Variants in PLPPR1 observed in about 807,000 individuals in gnomAD.
The protein encoded by PLPPR1 is phospholipid phosphatase-related protein type 1.
A neutral mutation model predicts 33.1 loss-of-function variants in PLPPR1; 10 were observed. The ratio of observed to expected loss-of-function variants is 0.30; its 90% CI spans 0.19 to 0.51. PLPPR1 has a LOEUF of 0.51. Among genes scored for constraint, PLPPR1 ranks in the 20% least tolerant of loss-of-function variants. The pLI, the probability that PLPPR1 is intolerant of heterozygous loss-of-function variation, is 0.97. For synonymous variants in PLPPR1, 151 were observed against 151.0 expected, an observed-to-expected ratio of 1.00 and a Z score of 0.00; for missense variants, 304 against 408.1, an observed-to-expected ratio of 0.74 and a Z score of 2.20.
chr9:101,152,315 T>A (rs1043831922), intron 1 of PLPPR1, among the ~76,000 whole-genome samples: 1 of 152,230 alleles, frequency 6.6e-6, no homozygotes, highest in Non-Finnish European at 1.5e-5. Context: ...GTCAGATGAG[T>A]AGATTGCAGA....
intron 2 of PLPPR1, among the ~76,000 whole-genome samples, chr9:101,228,470 A>C (rs1276960972): frequency 2.0e-5 from 3 of 152,204 alleles, no homozygotes; most frequent in African/African-American, 7.2e-5. Flanking sequence ...GTTGGTCAGA[A>C]TATATCACAC....
At chr9:101,199,160 C>T (rs1018879598) in intron 2 of PLPPR1, among the ~76,000 whole-genome samples, 1 of 152,158 alleles carries the variant, frequency 6.6e-6, no homozygotes, top group South Asian at 2.1e-4. Flanking sequence ...TCACTGCCCA[C>T]TTTCCGTAAT....
rs528915402 is a variant in PLPPR1 at position 101,243,189 on chromosome 9, T to C, written c.64-26691T>C. The stretch of plus-strand genomic sequence containing the variant: ...TGCAGGCGACAGCTATGAGATGAGG[T>C]TGGAAAGGTAGAGAGGACCCAGGTC... On this transcript the variant is annotated intron_variant, in intron 2 of 7. Coordinates refer to ENST00000374874, the MANE Select transcript of PLPPR1 (RefSeq NM_207299.2). Among the ~76,000 whole-genome samples the C allele has an allele frequency of 5.3e-5, 8 of 151,910 alleles. No individual in the cohort carries two copies. The East Asian group carries it at 1.4e-3, about 26-fold the overall frequency.
intron 1 of PLPPR1, among the ~76,000 whole-genome samples, chr9:101,137,995 C>A (rs750831093): frequency 1.3e-5 from 2 of 152,202 alleles, no homozygotes; most frequent in Non-Finnish European, 2.9e-5. Context: ...ACCAGGCTAC[C>A]TACACAGCAC....
chr9:101,060,159 G>A (rs1435355025), intron 1 of PLPPR1, among the ~76,000 whole-genome samples: 1 of 152,014 alleles, frequency 6.6e-6, no homozygotes, highest in Non-Finnish European at 1.5e-5. Context: ...AGGAAATCCT[G>A]TCATTCGCAA....
chr9:101,219,545 G>A (rs777781295), intron 2 of PLPPR1, among the ~76,000 whole-genome samples: 9 of 152,148 alleles, frequency 5.9e-5, no homozygotes, highest in Non-Finnish European at 1.3e-4. Context: ...TGTGTATAAT[G>A]TTTGAGTATA....
intron 2 of PLPPR1, among the ~76,000 whole-genome samples, chr9:101,243,214 C>T (rs1037253590): frequency 1.3e-5 from 2 of 151,852 alleles, no homozygotes; most frequent in Middle Eastern, 3.2e-3. Context: ...GGACCCAGGT[C>T]GTCAGAATCT....
intron 1 of PLPPR1, among the ~76,000 whole-genome samples, chr9:101,053,126 C>A (rs925424090): frequency 2.6e-5 from 4 of 152,196 alleles, no homozygotes; most frequent in African/African-American, 9.6e-5. Context: ...GGATGCCACA[C>A]AGTACCTAAA....
chr9:101,238,185 C>CCCTATATATATACCCTATATATATA (rs1244512575), intron 2 of PLPPR1, among the ~76,000 whole-genome samples: 14 of 133,386 alleles, frequency 1.0e-4, no homozygotes, highest in African/African-American at 3.3e-4. Context: ...TATATATATG[C>CCCTATATATATACCCTATATATATA]CCTATATATA....
At chr9:101,098,119 C>T (rs1034628473) in intron 1 of PLPPR1, among the ~76,000 whole-genome samples, 3 of 152,066 alleles carry the variant, frequency 2.0e-5, no homozygotes, top group South Asian at 2.1e-4. Flanking sequence ...AGAAATATCA[C>T]TCTGGAGGCC....
intron 1 of PLPPR1, among the ~76,000 whole-genome samples, chr9:101,133,094 T>A (rs1831333225): frequency 6.6e-6 from 1 of 152,124 alleles, no homozygotes; most frequent in Non-Finnish European, 1.5e-5. Flanking sequence ...TGAGTAACAG[T>A]CTTAGGAATA....
intron 1 of PLPPR1, among the ~76,000 whole-genome samples, chr9:101,121,578 T>G (rs543820292): frequency 5.3e-5 from 8 of 152,326 alleles, no homozygotes; most frequent in African/African-American, 1.9e-4. Context: ...GAGTATTTTT[T>G]TTGTCAATGA....
chr9:101,162,565 C>T (rs551929832), intron 1 of PLPPR1, among the ~76,000 whole-genome samples: 86 of 152,238 alleles, frequency 5.6e-4, no homozygotes, highest in Non-Finnish European at 9.4e-4. Flanking sequence ...ATCTCTTCCT[C>T]CTTTTTAGAG....
At position 101,309,228 on chromosome 9, in the gene PLPPR1, C is replaced by A. The variant is rs375650714; in HGVS notation, c.403C>A (p.Leu135Ile). Reference protein sequence around the residue: ...IRFTGVFAFGLFATDIFVNAG... With the variant: ...IRFTGVFAFGIFATDIFVNAG... ...TCTTATAGGGGTGTTTGCATTTGGACTTTTTGCTACTGACATTTTTGTAAA... is the reference window on the plus strand; with the variant it reads ...TCTTATAGGGGTGTTTGCATTTGGAATTTTTGCTACTGACATTTTTGTAAA... The change falls in exon 5 of 8, where the codon CTT becomes ATT. Residue 135 changes from leucine (L) to isoleucine (I), a missense_variant. Coordinates refer to ENST00000374874, the MANE Select transcript of PLPPR1 (RefSeq NM_207299.2). 6.2e-7 allele frequency: 1 copy of A among 1,613,982 alleles called. No homozygotes were observed. Among genetic ancestry groups the A allele is most frequent in the African/African-American group, 1.3e-5 (1 of 74,900 alleles).
chr9:101,069,017 A>G (rs150325449), intron 1 of PLPPR1, among the ~76,000 whole-genome samples: 101 of 152,178 alleles, frequency 6.6e-4, no homozygotes, highest in African/African-American at 2.4e-3. Flanking sequence ...GAAATTGACT[A>G]CTGGAAAGAA....
In PLPPR1 at chr9:101,276,779, G is replaced by A. The variant is rs553163769; in HGVS notation, c.252+6711G>A. ...AGACACCTTCTGAACGGGTGGATGT[G>A]GCCTCTGGAGTAAGACCAGTAGAGA... is the stretch of plus-strand genomic sequence containing the variant. On this transcript the variant is annotated intron_variant, in intron 3 of 7. Transcript: ENST00000374874. Among the ~76,000 whole-genome samples the A allele has an allele frequency of 2.6e-5, 4 of 152,310 alleles. No homozygotes were observed. The East Asian group carries it at 7.7e-4, about 29-fold the overall frequency.
chr9:101,155,530 C>A (rs1356136635), intron 1 of PLPPR1, among the ~76,000 whole-genome samples: 1 of 152,160 alleles, frequency 6.6e-6, no homozygotes, highest in Non-Finnish European at 1.5e-5. Context: ...GCCCCCATGA[C>A]CTAATCACCT....
Position 101,137,822 on chromosome 9 carries a change from T to C in PLPPR1, c.-45-47628T>C, listed in dbSNP as rs79540420. ...GGTTTACAAATTTCCTAAACATCCA[T>C]GCCTGATTTGATTCCCAAAACAGCC... On this transcript the variant is annotated intron_variant, in intron 1 of 7. Coordinates refer to ENST00000374874, the MANE Select transcript of PLPPR1 (RefSeq NM_207299.2). 1.0e-2 allele frequency among the ~76,000 whole-genome samples: 1,521 copies of C among 152,358 alleles called. 27 individuals carry two copies. Among genetic ancestry groups the C allele is most frequent in the African/African-American group, 0.034 (1,429 of 41,582 alleles).
At chr9:101,138,396 ATATC>A (rs1304537870) in intron 1 of PLPPR1, among the ~76,000 whole-genome samples, 4 of 152,198 alleles carry the variant, frequency 2.6e-5, no homozygotes, top group Non-Finnish European at 5.9e-5. Flanking sequence ...CAGGTGTTTT[ATATC>A]TATCTATCTG....
Sources: gnomAD v4.1 joint callset for allele counts (sites outside exome capture counted in the v4.1 genomes callset) on GRCh38, gnomAD v4.1.1 for gene constraint, MANE v1.5 for transcripts, NCBI Gene and HGNC (gene_info 2026-07-23, HGNC 2026-07-21) for gene names.